The following LNX1 variants were observed in gnomAD, a reference collection of about 807,000 sequenced individuals.
The protein encoded by LNX1 is E3 ubiquitin-protein ligase LNX.
In LNX1, 54 loss-of-function variants were observed where a neutral mutation model predicts 68.4. The observed-to-expected ratio is 0.79, with a 90% CI of 0.63 to 0.99. LNX1 has a LOEUF of 0.99. LNX1 is among the 50% of genes least tolerant of loss of function. The pLI is 0.00. For missense variants in LNX1, 906 were observed against 926.4 expected (o/e 0.98, Z 0.29); for synonymous variants, 336 against 350.0 (o/e 0.96, Z 0.45).
chr4:53,622,603 A>C (rs1733926173), intron 1 of LNX1, among the ~76,000 whole-genome samples: 1 of 152,214 alleles, frequency 6.6e-6, no homozygotes, highest in African/African-American at 2.4e-5. Flanking sequence ...GGTATAAAAA[A>C]CGCCAAATCC....
rs574001836 is a variant in LNX1, at chr4:53,568,089, C to A, written c.380+5534G>T. On this transcript the variant is annotated intron_variant, in intron 2 of 10. Coordinates refer to ENST00000263925, the MANE Select transcript of LNX1 (RefSeq NM_001126328.3). ...GGTACAAGGAGGAACTGGTACCATTCCTTCTGAAACTATTCCAATTGATAG... is the reference window on the plus strand; with the variant it reads ...GGTACAAGGAGGAACTGGTACCATTACTTCTGAAACTATTCCAATTGATAG... Among the ~76,000 whole-genome samples the A allele has an allele frequency of 1.8e-4, 28 of 152,232 alleles. No homozygotes were observed. The East Asian group carries it at 3.9e-3, about 21-fold the overall frequency.
intron 2 of LNX1, among the ~76,000 whole-genome samples, chr4:53,563,326 A>G (rs1730411477): frequency 6.6e-6 from 1 of 152,232 alleles, no homozygotes; most frequent in East Asian, 1.9e-4. Context: ...AGACTCCCAT[A>G]CAAGCAGCCA....
chr4:53,488,540 T>C (rs1300396643), intron 6 of LNX1, among the ~76,000 whole-genome samples: 1 of 152,104 alleles, frequency 6.6e-6, no homozygotes, highest in African/African-American at 2.4e-5. Context: ...CAGTATAGAG[T>C]GCAGTAGTTT....
intron 1 of LNX1, among the ~76,000 whole-genome samples, chr4:53,580,477 C>T (rs1731763265): frequency 6.6e-6 from 1 of 152,224 alleles, no homozygotes; most frequent in African/African-American, 2.4e-5. Flanking sequence ...GACTGCCAGA[C>T]AGCCTGAAAC....
intron 1 of LNX1, among the ~76,000 whole-genome samples, chr4:53,588,107 A>G (rs1397499164): frequency 5.9e-5 from 9 of 152,352 alleles, no homozygotes; most frequent in Admixed American, 4.6e-4. Flanking sequence ...CACTCACTGA[A>G]CATTTAAAAT....
At chr4:53,464,956 T>C (rs1319377968) in intron 9 of LNX1, among the ~76,000 whole-genome samples, 1 of 152,146 alleles carries the variant, frequency 6.6e-6, no homozygotes, top group Non-Finnish European at 1.5e-5. Context: ...GAACATTCTA[T>C]AAAATCTGTA....
chr4:53,594,672 C>A (rs1002172017), upstream of LNX1, among the ~76,000 whole-genome samples: 2 of 152,022 alleles, frequency 1.3e-5, no homozygotes, highest in African/African-American at 4.8e-5. Context: ...CAAGATCAAA[C>A]CCTTTTCTTT....
intron 2 of LNX1, among the ~76,000 whole-genome samples, chr4:53,529,650 A>G (rs150689837): frequency 4.9e-4 from 75 of 152,312 alleles, no homozygotes; most frequent in Middle Eastern, 3.4e-3. Context: ...CTCCATGTAC[A>G]TTGTGAGCTC....
chr4:53,611,881 A>T (rs78472635), intron 2 of LNX1, among the ~76,000 whole-genome samples: 6,912 of 152,316 alleles, frequency 0.045, 209 homozygotes, highest in Middle Eastern at 0.071. Context: ...AAGCTCTGAG[A>T]GTAAAGATAG....
intron 2 of LNX1, among the ~76,000 whole-genome samples, chr4:53,601,974 C>T (rs564000103): frequency 8.5e-5 from 13 of 152,262 alleles, no homozygotes; most frequent in Admixed American, 2.0e-4. Flanking sequence ...CCCCTGCTCA[C>T]GTGACTGACT....
intron 9 of LNX1, among the ~76,000 whole-genome samples, chr4:53,470,001 AT>A (rs1344551782): frequency 6.6e-6 from 1 of 152,242 alleles, no homozygotes; most frequent in Admixed American, 6.5e-5. Flanking sequence ...TGAGGCCAGC[AT>A]TATCCTGATA....
intron 9 of LNX1, among the ~76,000 whole-genome samples, chr4:53,470,657 C>A (rs1257627246): frequency 6.6e-6 from 1 of 152,126 alleles, no homozygotes; most frequent in African/African-American, 2.4e-5. Flanking sequence ...GGATACAAAT[C>A]AACGTGCAAA....
intron 4 of LNX1, among the ~76,000 whole-genome samples, chr4:53,501,299 T>TGGGGGGGGGGGG: frequency 2.6e-5 from 1 of 38,792 alleles, no homozygotes; most frequent in African/African-American, 6.2e-5. Context: ...TTTTTTTTTT[T>TGGGGGGGGGGGG]GGGGGTGGGG....
intron 9 of LNX1, among the ~76,000 whole-genome samples, chr4:53,463,446 C>T (rs560829011): frequency 6.6e-6 from 1 of 152,146 alleles, no homozygotes; most frequent in African/African-American, 2.4e-5. Flanking sequence ...TAATCTGTTT[C>T]AAAGTCATAC....
At chr4:53,486,716 T>C (rs1034373144) in intron 6 of LNX1, among the ~76,000 whole-genome samples, 1 of 152,228 alleles carries the variant, frequency 6.6e-6, no homozygotes, top group Non-Finnish European at 1.5e-5. Context: ...TAAAACTAAG[T>C]AGCGTCTGTA....
chr4:53,537,264 G>A (rs1159043980), intron 2 of LNX1, among the ~76,000 whole-genome samples: 3 of 152,206 alleles, frequency 2.0e-5, no homozygotes, highest in Non-Finnish European at 4.4e-5. Context: ...GGAAGTAAAA[G>A]CATTCCTGTA....
intron 1 of LNX1, among the ~76,000 whole-genome samples, chr4:53,644,968 C>T (rs1009025369): frequency 6.6e-6 from 1 of 152,096 alleles, no homozygotes; most frequent in African/African-American, 2.4e-5. Flanking sequence ...GTACCTTAGC[C>T]CCAGCCCTGA....
At chr4:53,647,219 C>T (rs896859547) in intron 1 of LNX1, among the ~76,000 whole-genome samples, 1 of 152,206 alleles carries the variant, frequency 6.6e-6, no homozygotes, top group African/African-American at 2.4e-5. Context: ...CACATACAAC[C>T]TTTGGCTCAC....
intron 2 of LNX1, among the ~76,000 whole-genome samples, chr4:53,556,064 G>A (rs1443717064): frequency 6.6e-6 from 1 of 152,148 alleles, no homozygotes; most frequent in Non-Finnish European, 1.5e-5. Context: ...GACCATATTT[G>A]GAACAAGGGT....
Sources: allele counts gnomAD v4.1 joint callset (sites outside exome capture counted in the v4.1 genomes callset), GRCh38; gene constraint gnomAD v4.1.1; transcripts MANE v1.5; gene names NCBI Gene and HGNC (gene_info 2026-07-23, HGNC 2026-07-21).